SLC24A3: variants seen among roughly 807,000 people sequenced by gnomAD.
The protein encoded by SLC24A3 is solute carrier family 24 member 3, also known as sodium/potassium/calcium exchanger 3.
In SLC24A3, 28 loss-of-function variants were observed where a neutral mutation model predicts 75.8. That is an observed-to-expected ratio of 0.37 (90% CI 0.27 to 0.51). The LOEUF (loss-of-function observed/expected upper bound fraction) is 0.51, where lower values mean the gene tolerates loss of function less well. SLC24A3 is among the 20% of genes least tolerant of loss of function. The pLI, the probability that SLC24A3 is intolerant of heterozygous loss-of-function variation, is 0.94. For synonymous variants in SLC24A3, 372 were observed against 334.1 expected (o/e 1.11, Z -1.24); for missense variants, 663 against 847.8 (o/e 0.78, Z 2.71).
At chr20:19,372,806 A>G (rs1342406457) in intron 2 of SLC24A3, among the ~76,000 whole-genome samples, 1 of 152,088 alleles carries the variant, frequency 6.6e-6, no homozygotes, top group African/African-American at 2.4e-5. Context: ...GCTCAGCACC[A>G]CTGAGCAAAG....
intron 6 of SLC24A3, among the ~76,000 whole-genome samples, chr20:19,626,926 G>A (rs1306165206): frequency 6.6e-6 from 1 of 152,206 alleles, no homozygotes; most frequent in Non-Finnish European, 1.5e-5. Flanking sequence ...GATCACAGTG[G>A]AAAGTCTTAA....
At chr20:19,497,459 G>A (rs1013819765) in intron 2 of SLC24A3, among the ~76,000 whole-genome samples, 1 of 152,214 alleles carries the variant, frequency 6.6e-6, no homozygotes, top group Admixed American at 6.5e-5. Flanking sequence ...GCCAATTTTA[G>A]TCTCGGGTCC....
intron 3 of SLC24A3, among the ~76,000 whole-genome samples, chr20:19,563,602 G>A (rs16980827): frequency 6.6e-6 from 1 of 152,108 alleles, no homozygotes; most frequent in Non-Finnish European, 1.5e-5. Context: ...CAGATTACGA[G>A]CCTGCTGGCG....
At position 19,704,180 on chromosome 20, in the gene SLC24A3, T is replaced by C. The variant is rs113144689; in HGVS notation, c.1719+5500T>C. Among the ~76,000 whole-genome samples the C allele has an allele frequency of 6.4e-3, 582 of 91,058 alleles. 4 individuals are homozygous for C. The highest frequency in any genetic ancestry group is 0.027 in the African/African-American group (553 of 20,598). 59.7% of individuals were successfully genotyped at this position (91,058 alleles called of 152,430 possible). A position where few individuals can be genotyped will look rare whatever the true frequency, so the allele number is the denominator to read the frequency against. On this transcript the variant is annotated intron_variant, in intron 15 of 16. Coordinates refer to ENST00000328041, the MANE Select transcript of SLC24A3 (RefSeq NM_020689.4). ...ATGGATGGATGGAGAGATGGATGGATGGATGGAGAGATGGATGGATGGATA... is the reference window on the plus strand; with the variant it reads ...ATGGATGGATGGAGAGATGGATGGACGGATGGAGAGATGGATGGATGGATA...
chr20:19,506,320 G>A (rs1988461787), intron 2 of SLC24A3, among the ~76,000 whole-genome samples: 1 of 152,170 alleles, frequency 6.6e-6, no homozygotes, highest in Non-Finnish European at 1.5e-5. Flanking sequence ...CCCATGACTT[G>A]TGGTTGCATC....
At chr20:19,386,662 T>A (rs1444101534) in intron 2 of SLC24A3, among the ~76,000 whole-genome samples, 1 of 152,222 alleles carries the variant, frequency 6.6e-6, no homozygotes, top group Non-Finnish European at 1.5e-5. Context: ...TGGCATCTAT[T>A]GAGATGATCA....
chr20:19,584,845 A>G (rs2031271862), intron 4 of SLC24A3, 126 bp from the exon 5 acceptor site: 1 of 753,622 alleles, frequency 1.3e-6, no homozygotes, highest in Non-Finnish European at 2.2e-6. Flanking sequence ...CCCAGGTCCC[A>G]TCGGTCCTAC....
chr20:19,215,076 T>C (rs1189772204), intron 1 of SLC24A3, among the ~76,000 whole-genome samples: 4 of 152,240 alleles, frequency 2.6e-5, no homozygotes, highest in Admixed American at 2.6e-4. Flanking sequence ...TGCACAGTAG[T>C]ATTTTGCAGC....
At chr20:19,440,636 G>A (rs1242419795) in intron 2 of SLC24A3, among the ~76,000 whole-genome samples, 1 of 142,954 alleles carries the variant, frequency 7.0e-6, no homozygotes, top group Admixed American at 7.2e-5. Context: ...CTGGAGGAGA[G>A]GCCTCACTGT....
chr20:19,565,198 G>A (rs6515024), intron 3 of SLC24A3, among the ~76,000 whole-genome samples: 2,694 of 152,254 alleles, frequency 0.018, 86 homozygotes, highest in African/African-American at 0.062. Flanking sequence ...AATTTCAAAG[G>A]CTCCGCTTAC....
rs34685324 is a variant in SLC24A3 at position 19,605,931 on chromosome 20, C to A, written c.612+20387C>A. Among the ~76,000 whole-genome samples the A allele has an allele frequency of 9.4e-3, 1,433 of 152,286 alleles. 17 individuals are homozygous for A. Among genetic ancestry groups the A allele is most frequent in the Non-Finnish European group, 0.015 (998 of 68,026 alleles). On this transcript the variant is annotated intron_variant, in intron 6 of 16. Coordinates refer to ENST00000328041, the MANE Select transcript of SLC24A3 (RefSeq NM_020689.4). The stretch of plus-strand genomic sequence containing the variant: ...TGAATGACTGTGCCCACTTCTGAAG[C>A]CAATTCTGACACCCAGCCCTGAATT...
intron 2 of SLC24A3, among the ~76,000 whole-genome samples, chr20:19,495,341 G>A (rs1988268424): frequency 6.6e-6 from 1 of 152,234 alleles, no homozygotes; most frequent in Non-Finnish European, 1.5e-5. Context: ...TTTACAAGGA[G>A]ACATCATTCA....
rs966637208 is a variant in SLC24A3 at position 19,596,316 on chromosome 20, G to T, written c.612+10772G>T. Reference sequence around the variant, plus strand: ...ATTTTTTGGAGGTGATGCCAAGAGGGTTTGCAGGTCAGTTGGAAATAGGAG... The same window carrying T: ...ATTTTTTGGAGGTGATGCCAAGAGGTTTTGCAGGTCAGTTGGAAATAGGAG... On this transcript the variant is annotated intron_variant, in intron 6 of 16. Coordinates refer to ENST00000328041, the MANE Select transcript of SLC24A3 (RefSeq NM_020689.4). Among the ~76,000 whole-genome samples, 29 of 152,166 alleles carry T rather than the reference G, an allele frequency of 1.9e-4. 1 individual carries two copies. Among genetic ancestry groups the T allele is most frequent in the Admixed American group, 1.7e-3 (26 of 15,264 alleles).
At chr20:19,677,814 A>G (rs1185373838) in intron 9 of SLC24A3, among the ~76,000 whole-genome samples, 1 of 151,514 alleles carries the variant, frequency 6.6e-6, no homozygotes, top group Non-Finnish European at 1.5e-5. Context: ...TAAACAAGTG[A>G]ACAAAGGTCT....
At chr20:19,676,326 T>C (rs2032524212) in intron 9 of SLC24A3, among the ~76,000 whole-genome samples, 1 of 152,202 alleles carries the variant, frequency 6.6e-6, no homozygotes, top group Non-Finnish European at 1.5e-5. Flanking sequence ...TGAGGTGTGT[T>C]TCTGCTGATG....
At chr20:19,286,701 C>T (rs905788108) in intron 2 of SLC24A3, among the ~76,000 whole-genome samples, 6 of 152,156 alleles carry the variant, frequency 3.9e-5, no homozygotes, top group South Asian at 2.1e-4. Flanking sequence ...CCAGTAGGAA[C>T]AAGATGTGAG....
chr20:19,266,852 G>T (rs1983182259), intron 1 of SLC24A3, among the ~76,000 whole-genome samples: 1 of 152,038 alleles, frequency 6.6e-6, no homozygotes, highest in Non-Finnish European at 1.5e-5. Flanking sequence ...TTATGTTTAA[G>T]AAATATTGTA....
intron 1 of SLC24A3, among the ~76,000 whole-genome samples, chr20:19,235,265 C>T (rs1489104175): frequency 6.6e-6 from 1 of 152,214 alleles, no homozygotes; most frequent in Admixed American, 6.5e-5. Context: ...GCTACCCACT[C>T]ATCTTCCCTG....
At position 19,269,562 on chromosome 20, in the gene SLC24A3, G is replaced by GC. The variant is rs1452589580; in HGVS notation, c.143-11391dup. On this transcript the variant is annotated intron_variant, in intron 1 of 16. Transcript: ENST00000328041. ...ATTGTGGGTGCACCTGTTGCCATCT[G>GC]CCCCCCTTTGCTCTTCCCTTTCCCC... Among the ~76,000 whole-genome samples, 11 of 152,318 alleles carry GC rather than the reference G, an allele frequency of 7.2e-5. No individual in the cohort carries two copies. In the South Asian group the frequency reaches 2.3e-3, roughly 32 times the overall value.
Sources: gnomAD v4.1 joint callset for allele counts (sites outside exome capture counted in the v4.1 genomes callset) on GRCh38, gnomAD v4.1.1 for gene constraint, MANE v1.5 for transcripts, NCBI Gene and HGNC (gene_info 2026-07-23, HGNC 2026-07-21) for gene names.